The following NUMA1 variants were observed in gnomAD, a reference collection of about 807,000 sequenced individuals.
NUMA1 encodes the protein nuclear mitotic apparatus protein 1.
In NUMA1, 62 loss-of-function variants were observed where a neutral mutation model predicts 237.1. The ratio of observed to expected loss-of-function variants is 0.26; its 90% CI spans 0.21 to 0.32. NUMA1 has a LOEUF of 0.32. Among genes scored for constraint, NUMA1 ranks in the 10% least tolerant of loss-of-function variants. The pLI is 1.00. For synonymous variants in NUMA1, 1,028 were observed against 1,066.1 expected, an observed-to-expected ratio of 0.96 and a Z score of 0.70; for missense variants, 2,533 against 2,666.5, an observed-to-expected ratio of 0.95 and a Z score of 1.10.
At chr11:72,072,233 G>A (rs1404218590) in intron 1 of NUMA1, 2 of 153,816 alleles carry the variant, frequency 1.3e-5, no homozygotes, top group Non-Finnish European at 2.9e-5. Context: ...AGTACCCAGT[G>A]GTAAGGTGGA....
chr11:72,012,251 C>T, intron 16 of NUMA1, 150 bp downstream of exon 16: 3 of 741,886 alleles, frequency 4.0e-6, no homozygotes, highest in Non-Finnish European at 7.0e-6. Context: ...CACTCCTGGG[C>T]AGCCTGGGCC....
chr11:72,015,659 G>A lies in NUMA1; in HGVS notation c.1844C>T (p.Ala615Val). The change falls in exon 15 of 27, where the codon GCC becomes GTC. Residue 615 changes from alanine to valine, a missense_variant. Around this residue, in one of 3 missense-constraint regions of NUMA1, gnomAD observed 1,414 missense variants for 1,508.1 expected, o/e 0.94. Coordinates refer to ENST00000393695, the MANE Select transcript of NUMA1 (RefSeq NM_006185.4). This position sits in a 1 kb window ranked among gnomAD's most constrained non-coding sequence, Gnocchi z 4.0. Reference protein sequence around the residue: ...QLEALEKEKAAKLEILQQQLQ... With the variant: ...QLEALEKEKAVKLEILQQQLQ... ...TTGCTGCTGCAGAATCTCCAGCTTG[G>A]CAGCCTTCTCCTTCTCCAGTGCCTC... 3.1e-6 allele frequency: 5 copies of A among 1,613,790 alleles called. No individual in the cohort carries two copies. Among genetic ancestry groups the A allele is most frequent in the Non-Finnish European group, 4.2e-6 (5 of 1,180,034 alleles).
chr11:72,075,034 A>AAAATAAATAAATAAAT (rs35313309), intron 1 of NUMA1, among the ~76,000 whole-genome samples: 2,641 of 148,396 alleles, frequency 0.018, 92 homozygotes, highest in African/African-American at 0.063. Flanking sequence ...ACTCCATCTC[A>AAAATAAATAAATAAAT]AAATAAATAA....
intron 2 of NUMA1, among the ~76,000 whole-genome samples, chr11:72,063,795 T>C (rs1482980057): frequency 6.6e-6 from 1 of 151,538 alleles, no homozygotes; most frequent in African/African-American, 2.4e-5. Flanking sequence ...CATACACCTA[T>C]AGTCCCAGCT....
At chr11:72,066,721 T>C (rs987873769) in intron 2 of NUMA1, 2 of 152,244 alleles carry the variant, frequency 1.3e-5, no homozygotes, top group Admixed American at 6.5e-5. Flanking sequence ...CTTGTTCCTC[T>C]ACAAACTTAA....
rs71052849 is a variant in NUMA1 at position 72,073,048 on chromosome 11, C to CAAAAAAA, written c.-102-3144_-102-3138dup. Among the ~76,000 whole-genome samples, 41 of 38,976 alleles carry CAAAAAAA rather than the reference C, an allele frequency of 1.1e-3. 18 individuals are homozygous for CAAAAAAA. The highest frequency in any genetic ancestry group is 2.0e-3 in the South Asian group (1 of 504). 25.6% of individuals were successfully genotyped at this position (38,976 alleles called of 152,430 possible). A position where few individuals can be genotyped will look rare whatever the true frequency, so the allele number is the denominator to read the frequency against. On this transcript the variant is annotated intron_variant, in intron 1 of 26. Transcript: ENST00000393695. ...GGTGACACAGAGCGAGACTCCGTCT[C>CAAAAAAA]AAAAAAAAAAAAAAAAAAAAGCTGC...
intron 3 of NUMA1, among the ~76,000 whole-genome samples, chr11:72,032,426 T>C (rs1020721678): frequency 2.1e-4 from 32 of 152,280 alleles, no homozygotes; most frequent in African/African-American, 7.2e-4. Flanking sequence ...CTCCTATCAA[T>C]ACCTGCAATC....
At chr11:72,059,061 C>T (rs1942812450) in intron 2 of NUMA1, among the ~76,000 whole-genome samples, 1 of 152,190 alleles carries the variant, frequency 6.6e-6, no homozygotes, top group Non-Finnish European at 1.5e-5. Context: ...CAGTGACACT[C>T]CCCAGCTCAG....
chr11:72,036,675 C>A (rs1185387977), intron 2 of NUMA1, among the ~76,000 whole-genome samples: 1 of 152,298 alleles, frequency 6.6e-6, no homozygotes, highest in Middle Eastern at 3.4e-3. Flanking sequence ...AAACTTAGGT[C>A]TCTGGATGAG....
At chr11:72,046,549 AAAG>A (rs1358393741) in intron 2 of NUMA1, among the ~76,000 whole-genome samples, 1 of 151,978 alleles carries the variant, frequency 6.6e-6, no homozygotes, top group Non-Finnish European at 1.5e-5. Context: ...CATCTCAAAA[AAAG>A]AAGAAAAAGA....
chr11:72,023,403 GA>G (rs1939155523), intron 5 of NUMA1, among the ~76,000 whole-genome samples: 1 of 152,300 alleles, frequency 6.6e-6, no homozygotes, highest in Non-Finnish European at 1.5e-5. Flanking sequence ...TCTGGGTCAT[GA>G]TGTTGCACTC....
In NUMA1 at chr11:72,014,053, G is replaced by A. The variant is rs143116557; in HGVS notation, c.3450C>T (p.Leu1150=). Residue 1150 remains leucine, a synonymous_variant, in exon 15 of 27, where the codon CTC becomes CTT. Coordinates refer to ENST00000393695, the MANE Select transcript of NUMA1 (RefSeq NM_006185.4). This position sits in a 1 kb window ranked among gnomAD's most constrained non-coding sequence, Gnocchi z 4.6. ...QEQADSLERS[L]EAERASRAER... is the part of the protein sequence containing the mutation. ...CAGCCCGGGAGGCCCGCTCAGCCTC[G>A]AGGCTGCGTTCCAGGCTGTCAGCCT... 2.4e-5 allele frequency: 38 copies of A among 1,610,826 alleles called. No homozygotes were observed. Among genetic ancestry groups the A allele is most frequent in the South Asian group, 1.2e-4 (11 of 91,078 alleles).
chr11:72,018,703 A>ACC, intron 10 of NUMA1, 120 bp downstream of exon 10: 1 of 1,292,292 alleles, frequency 7.7e-7, no homozygotes, highest in Non-Finnish European at 1.1e-6. Context: ...GGTCAGCCTG[A>ACC]CCACAGGCCC....
intron 25 of NUMA1, 21 bp from the exon 26 acceptor site, chr11:72,004,120 AC>A: frequency 3.7e-6 from 6 of 1,612,836 alleles, no homozygotes; most frequent in Non-Finnish European, 5.1e-6. Flanking sequence ...GGGCTGTCAG[AC>A]CGGGAGACCC....
At position 72,006,282 on chromosome 11, in the gene NUMA1, C is replaced by G; in HGVS notation, c.5464-19G>C. ...CTAGCTTCTGGAAGACAGAGTGAAT[C>G]TGTTGCAGTGTACAGTCCCTGGCAC... is the stretch of plus-strand genomic sequence containing the variant. On this transcript the variant is annotated intron_variant, in intron 21 of 26. Coordinates refer to ENST00000393695, the MANE Select transcript of NUMA1 (RefSeq NM_006185.4). The G allele has an allele frequency of 1.2e-6, 2 of 1,609,218 alleles. No homozygotes were observed. Among genetic ancestry groups the G allele is most frequent in the Non-Finnish European group, 1.7e-6 (2 of 1,175,934 alleles).
intron 4 of NUMA1, chr11:72,024,870 AGGAGGATCCCAGG>A (rs771522145): frequency 4.4e-4 from 70 of 157,730 alleles, no homozygotes; most frequent in Non-Finnish European, 8.1e-4. Context: ...AGCCTCCCAG[AGGAGGATCCCAGG>A]GACTAGAGTG....
At chr11:72,027,700 T>G (rs1158803364) in intron 4 of NUMA1, among the ~76,000 whole-genome samples, 1 of 152,000 alleles carries the variant, frequency 6.6e-6, no homozygotes, top group African/African-American at 2.4e-5. Flanking sequence ...TTCACTGAGG[T>G]TTGATGAAGA....
At chr11:72,059,021 C>G (rs1282234169) in intron 2 of NUMA1, among the ~76,000 whole-genome samples, 1 of 152,052 alleles carries the variant, frequency 6.6e-6, no homozygotes, top group African/African-American at 2.4e-5. Flanking sequence ...TGTAAAACTC[C>G]CTCTTCATTA....
In NUMA1 at chr11:72,003,444, G is replaced by T; in HGVS notation, c.*83C>A. 1 of 1,348,744 alleles carries T rather than the reference G, an allele frequency of 7.4e-7. No homozygotes were observed. The highest frequency in any genetic ancestry group is 1.1e-6 in the Non-Finnish European group (1 of 937,276). The allele number at this position is 1,348,744 out of a possible 1,614,324, so 83.5% of individuals were successfully genotyped here. A position where few individuals can be genotyped will look rare whatever the true frequency, so the allele number is the denominator to read the frequency against. On this transcript the variant is annotated 3_prime_UTR_variant, in exon 27 of 27. Coordinates refer to ENST00000393695, the MANE Select transcript of NUMA1 (RefSeq NM_006185.4). ...ACTGTTGGCCTGGGAGCTGAGAGAA[G>T]GCACTGAGAGGGACAGTAGGCGGAG...
Sources: allele counts gnomAD v4.1 joint callset (sites outside exome capture counted in the v4.1 genomes callset), GRCh38; gene constraint gnomAD v4.1.1; regional missense constraint gnomAD v4.1.1; non-coding constraint Gnocchi (gnomAD v3.1); transcripts MANE v1.5; gene names NCBI Gene and HGNC (gene_info 2026-07-23, HGNC 2026-07-21).